TENM4: variants seen among roughly 807,000 people sequenced by gnomAD.
TENM4 encodes teneurin-4.
TENM4 carries 82 observed loss-of-function variants against 243.3 expected under a neutral mutation model. The observed-to-expected ratio is 0.34, with a 90% CI of 0.28 to 0.40. The LOEUF (loss-of-function observed/expected upper bound fraction) is 0.40, where lower values mean the gene tolerates loss of function less well. Ranked by LOEUF, TENM4 falls within the 10% of genes least tolerant of loss-of-function variation. The pLI is 1.00. For missense variants in TENM4, 3,138 were observed against 3,673.3 expected (o/e 0.85, Z 3.77); for synonymous variants, 1,412 against 1,456.3 (o/e 0.97, Z 0.69).
At chr11:79,336,462 T>A (rs1373490970) in intron 1 of TENM4, among the ~76,000 whole-genome samples, 1 of 152,192 alleles carries the variant, frequency 6.6e-6, no homozygotes, top group African/African-American at 2.4e-5. Flanking sequence ...ATAAAAGGTA[T>A]AACAGACTAT....
chr11:78,789,025 G>A (rs1018272755), intron 15 of TENM4, among the ~76,000 whole-genome samples: 1 of 152,134 alleles, frequency 6.6e-6, no homozygotes, highest in Non-Finnish European at 1.5e-5. Context: ...ACATGGTAGA[G>A]TGGTTTTCTG....
At chr11:78,971,562 A>G (rs1857548028) in intron 6 of TENM4, among the ~76,000 whole-genome samples, 1 of 152,146 alleles carries the variant, frequency 6.6e-6, no homozygotes, top group African/African-American at 2.4e-5. Flanking sequence ...CGGCCTCCCA[A>G]AGTGCTGGGA....
intron 1 of TENM4, among the ~76,000 whole-genome samples, chr11:79,406,451 C>G (rs1364743977): frequency 6.6e-6 from 1 of 152,176 alleles, no homozygotes; most frequent in African/African-American, 2.4e-5. Flanking sequence ...GGGAGATGAA[C>G]AAGCATTGGC....
At chr11:78,881,896 T>C (rs938317930) in intron 9 of TENM4, among the ~76,000 whole-genome samples, 43 of 152,228 alleles carry the variant, frequency 2.8e-4, no homozygotes, top group South Asian at 2.1e-4. Flanking sequence ...TGGCCTGTTA[T>C]AATGAGAACA....
chr11:79,130,469 T>G (rs986579601), intron 4 of TENM4, among the ~76,000 whole-genome samples: 1 of 47,624 alleles, frequency 2.1e-5, no homozygotes, highest in African/African-American at 8.1e-5. Flanking sequence ...CAAAGCCCAA[T>G]GCAAAGGAAA....
chr11:79,422,332 G>C (rs1858952397), intron 1 of TENM4: 1 of 151,868 alleles, frequency 6.6e-6, no homozygotes, highest in Admixed American at 6.6e-5. Context: ...AGCAGCACCA[G>C]CTCTACAGTA....
At chr11:78,686,605 C>T (rs1858681899) in intron 29 of TENM4, among the ~76,000 whole-genome samples, 1 of 152,152 alleles carries the variant, frequency 6.6e-6, no homozygotes, top group Admixed American at 6.5e-5. Context: ...TTGAGGCCAT[C>T]TCCAGGTAGA....
intron 6 of TENM4, among the ~76,000 whole-genome samples, chr11:78,905,697 C>T (rs927180757): frequency 2.0e-5 from 3 of 152,188 alleles, no homozygotes; most frequent in Non-Finnish European, 4.4e-5. Context: ...ATGGTACTCC[C>T]TGAAGATATG....
chr11:79,400,263 G>A (rs1189670458), intron 1 of TENM4, among the ~76,000 whole-genome samples: 1 of 151,526 alleles, frequency 6.6e-6, no homozygotes, highest in Admixed American at 6.6e-5. Context: ...CCTGGAGCCA[G>A]AATCCAGTCA....
chr11:78,729,245 G>T (rs974443344), intron 22 of TENM4, 131 bp downstream of exon 22: 10 of 992,852 alleles, frequency 1.0e-5, no homozygotes, highest in Non-Finnish European at 1.2e-5. Context: ...GTCACGGACA[G>T]GTCTTAAAGG....
intron 1 of TENM4, among the ~76,000 whole-genome samples, chr11:79,434,176 G>C (rs949601610): frequency 1.3e-5 from 2 of 152,222 alleles, no homozygotes; most frequent in Non-Finnish European, 2.9e-5. Context: ...GAGGGGACAA[G>C]ATGCCTAACA....
chr11:78,812,006 G>A, intron 14 of TENM4, 116 bp downstream of exon 14: 2 of 1,310,140 alleles, frequency 1.5e-6, no homozygotes, highest in South Asian at 3.0e-5. Flanking sequence ...GGCTTGGGGA[G>A]GTGGGGTCAC....
Position 78,661,611 on chromosome 11 carries a change from A to G in TENM4, c.7409-20T>C, listed in dbSNP as rs1858032252. The stretch of plus-strand genomic sequence containing the variant: ...TAACATCTGGATGGGAGGGAAGCAG[A>G]AACATCTCCATGGAGTGAGTGGACC... On this transcript the variant is annotated intron_variant, in intron 32 of 33. Coordinates refer to ENST00000278550, the MANE Select transcript of TENM4 (RefSeq NM_001098816.3). The G allele has an allele frequency of 6.2e-7, 1 of 1,611,116 alleles. No individual in the cohort carries two copies. The highest frequency in any genetic ancestry group is 8.5e-7 in the Non-Finnish European group (1 of 1,178,822).
In TENM4 at chr11:79,375,377, A is replaced by G. The variant is rs151016103; in HGVS notation, c.-321+65132T>C. Among the ~76,000 whole-genome samples, 1,314 of 152,358 alleles carry G rather than the reference A, an allele frequency of 8.6e-3. 11 individuals carry two copies. The highest frequency in any genetic ancestry group is 0.015 in the Non-Finnish European group (1,042 of 68,026). On this transcript the variant is annotated intron_variant, in intron 1 of 33. Transcript: ENST00000278550. ...TTCACAATCCATAGCCAATATTTTG[A>G]TAGATTTTCAAGTGAATATACATGA...
intron 18 of TENM4, among the ~76,000 whole-genome samples, chr11:78,765,833 G>A (rs751218786): frequency 8.5e-5 from 13 of 152,180 alleles, no homozygotes; most frequent in Non-Finnish European, 1.8e-4. Flanking sequence ...CTCAAAAATG[G>A]CTGCTGTTTT....
At chr11:78,707,382 C>T (rs191785551) in intron 27 of TENM4, among the ~76,000 whole-genome samples, 10 of 152,334 alleles carry the variant, frequency 6.6e-5, no homozygotes, top group Admixed American at 5.9e-4. Context: ...GATAGCCAGT[C>T]ACTTGTGTCT....
At chr11:79,409,412 G>C (rs960884615) in intron 1 of TENM4, among the ~76,000 whole-genome samples, 1 of 152,120 alleles carries the variant, frequency 6.6e-6, no homozygotes, top group African/African-American at 2.4e-5. Context: ...TAAGAGTGAG[G>C]CATATTTGTG....
intron 1 of TENM4, among the ~76,000 whole-genome samples, chr11:79,318,324 A>T (rs1057123815): frequency 1.3e-5 from 2 of 152,358 alleles, no homozygotes; most frequent in Admixed American, 1.3e-4. Context: ...CTAGAATTCA[A>T]GCTAGGAAGA....
intron 15 of TENM4, among the ~76,000 whole-genome samples, chr11:78,799,808 C>CT (rs1425273176): frequency 1.3e-5 from 2 of 152,238 alleles, no homozygotes; most frequent in Non-Finnish European, 2.9e-5. Flanking sequence ...GGCAAAATCT[C>CT]TGCCATGTAT....
Sources: allele counts gnomAD v4.1 joint callset (sites outside exome capture counted in the v4.1 genomes callset), GRCh38; gene constraint gnomAD v4.1.1; transcripts MANE v1.5; gene names NCBI Gene and HGNC (gene_info 2026-07-23, HGNC 2026-07-21).